Variants in AK9 observed in about 807,000 individuals in gnomAD.
AK9 encodes the protein adenylate kinase 9.
Under a neutral mutation model 239.6 loss-of-function variants are expected in AK9, and 191 were observed. The observed-to-expected ratio is 0.80, with a 90% CI of 0.71 to 0.90. The LOEUF is 0.90. AK9 is among the 40% of genes least tolerant of loss of function. The pLI is 0.00. For synonymous variants in AK9, 689 were observed against 721.0 expected, an observed-to-expected ratio of 0.96 and a Z score of 0.71; for missense variants, 1,995 against 2,214.7, an observed-to-expected ratio of 0.90 and a Z score of 1.99.
intron 22 of AK9, among the ~76,000 whole-genome samples, chr6:109,564,533 G>A (rs761078646): frequency 3.3e-5 from 5 of 151,804 alleles, no homozygotes; most frequent in Non-Finnish European, 5.9e-5. Flanking sequence ...AAACTTTAAC[G>A]GTTAATAAAA....
At chr6:109,642,053 T>C (rs115273000) in intron 9 of AK9, among the ~76,000 whole-genome samples, 65 of 152,268 alleles carry the variant, frequency 4.3e-4, no homozygotes, top group African/African-American at 1.5e-3. Flanking sequence ...CATGTGAAGA[T>C]GGAGGCAGAT....
Position 109,683,038 on chromosome 6 carries a change from A to T in AK9, c.-11-7282T>A, listed in dbSNP as rs529076951. 5.3e-5 allele frequency among the ~76,000 whole-genome samples: 8 copies of T among 152,332 alleles called. No individual in the cohort carries two copies. In the South Asian group the frequency reaches 1.7e-3, roughly 32 times the overall value. On this transcript the variant is annotated intron_variant, in intron 1 of 40. Coordinates refer to ENST00000424296, the MANE Select transcript of AK9 (RefSeq NM_001145128.3). ...AACTGAATGCAGCAGCACATCAAAA[A>T]GCTTATCCACCACAATCAAGTCAGC...
At chr6:109,519,080 G>C (rs779508065) in intron 29 of AK9, among the ~76,000 whole-genome samples, 1 of 152,142 alleles carries the variant, frequency 6.6e-6, no homozygotes, top group South Asian at 2.1e-4. Flanking sequence ...TTCTGTTCCT[G>C]TGTTAATTTG....
intron 1 of AK9, among the ~76,000 whole-genome samples, chr6:109,684,195 A>G (rs6568595): frequency 0.42 from 63,452 of 152,020 alleles, 14,927 homozygotes; most frequent in African/African-American, 0.64. Flanking sequence ...GGCTAGTCAA[A>G]TGGAGAAAAC....
chr6:109,663,068 G>A (rs1800648178), intron 5 of AK9, among the ~76,000 whole-genome samples: 1 of 151,880 alleles, frequency 6.6e-6, no homozygotes, highest in South Asian at 2.1e-4. Flanking sequence ...TCATAATATA[G>A]TAGAACATGT....
chr6:109,622,998 A>G (rs1795058542), intron 12 of AK9, among the ~76,000 whole-genome samples: 1 of 152,154 alleles, frequency 6.6e-6, no homozygotes, highest in Admixed American at 6.6e-5. Flanking sequence ...AACTGTTACA[A>G]TGAGATTGAT....
intron 12 of AK9, among the ~76,000 whole-genome samples, chr6:109,622,214 G>GTATATATTTTAT (rs1794952276): frequency 2.8e-5 from 4 of 142,654 alleles, no homozygotes; most frequent in South Asian, 2.1e-4. Flanking sequence ...ATATATTTTA[G>GTATATATTTTAT]ACATTATATA....
rs769562453 is a variant in AK9, at chr6:109,614,418, T to C, written c.1462A>G (p.Met488Val). The C allele has an allele frequency of 2.9e-5, 45 of 1,551,240 alleles. No homozygotes were observed. Among genetic ancestry groups the C allele is most frequent in the African/African-American group, 2.1e-4 (15 of 73,020 alleles). ...YEKMEFGVFP[M>V]EATHSSIDEE... ...TCAATTGATGAGTGTGTTGCCTCCA[T>C]TGGGAATACTCCAAACTCCATTTTT... is the stretch of plus-strand genomic sequence containing the variant. The change falls in exon 14 of 41, where the codon ATG becomes GTG. Residue 488 changes from methionine to valine, a missense_variant. Physicochemically the swap from Met to Val is conservative, Grantham distance 21. Transcript: ENST00000424296.
intron 1 of AK9, among the ~76,000 whole-genome samples, chr6:109,677,963 C>T (rs1772009466): frequency 6.6e-6 from 1 of 152,104 alleles, no homozygotes; most frequent in African/African-American, 2.4e-5. Context: ...TCATACATTG[C>T]TGGTGGGAAT....
intron 10 of AK9, among the ~76,000 whole-genome samples, chr6:109,636,783 C>CACACA (rs1554278039): frequency 2.1e-5 from 3 of 144,998 alleles, no homozygotes; most frequent in Non-Finnish European, 3.0e-5. Flanking sequence ...CACACACACA[C>CACACA]CACATTTTAT....
At position 109,596,604 on chromosome 6, in the gene AK9, G is replaced by A. The variant is rs114557991; in HGVS notation, c.1843-10532C>T. Among the ~76,000 whole-genome samples the A allele has an allele frequency of 5.8e-3, 884 of 152,270 alleles. 10 individuals are homozygous for A. Among genetic ancestry groups the A allele is most frequent in the African/African-American group, 0.021 (856 of 41,548 alleles). The stretch of plus-strand genomic sequence containing the variant: ...GCTCCTAATTCAGGCTAGCAGGTGT[G>A]CCTAATGCCTAGAAATATGACAGGC... On this transcript the variant is annotated intron_variant, in intron 17 of 40. Coordinates refer to ENST00000424296, the MANE Select transcript of AK9 (RefSeq NM_001145128.3).
intron 22 of AK9, 87 bp from the exon 23 acceptor site, chr6:109,564,367 A>AT (rs1786195173): frequency 3.0e-6 from 3 of 1,009,996 alleles, no homozygotes; most frequent in South Asian, 3.6e-5. Flanking sequence ...ATACTTTGCA[A>AT]TTTTTTTAAA....
intron 5 of AK9, among the ~76,000 whole-genome samples, chr6:109,668,245 G>GTT (rs932611846): frequency 2.0e-5 from 3 of 148,714 alleles, no homozygotes; most frequent in African/African-American, 7.4e-5. Context: ...TTTTGATGGG[G>GTT]TTTTTTTTTT....
chr6:109,554,525 CTTT>C lies in AK9; in HGVS notation c.2752-4226_2752-4224del, dbSNP rs3060760. Among the ~76,000 whole-genome samples the C allele has an allele frequency of 3.9e-3, 301 of 77,428 alleles. 1 individual carries two copies. The highest frequency in any genetic ancestry group is 0.017 in the Middle Eastern group (1 of 60). 50.8% of individuals were successfully genotyped at this position (77,428 alleles called of 152,430 possible). A position where few individuals can be genotyped will look rare whatever the true frequency, so the allele number is the denominator to read the frequency against. On this transcript the variant is annotated intron_variant, in intron 24 of 40. Transcript: ENST00000424296. ...CCTGGTGGCAGTTTGTATTTCTTTT[CTTT>C]TTTTTTTTTTTTTTTTTTTTGGAGA...
intron 17 of AK9, among the ~76,000 whole-genome samples, chr6:109,594,560 C>G (rs564744901): frequency 6.6e-6 from 1 of 152,166 alleles, no homozygotes; most frequent in African/African-American, 2.4e-5. Flanking sequence ...CAAGACAATC[C>G]TAAGCAATAA....
chr6:109,592,442 A>ATTTT (rs1229321601), intron 17 of AK9, among the ~76,000 whole-genome samples: 1 of 103,688 alleles, frequency 9.6e-6, no homozygotes, highest in Non-Finnish European at 2.1e-5. Context: ...GTCTAATGGG[A>ATTTT]TTTCTTTTTT....
chr6:109,638,506 G>T (rs924534614), intron 10 of AK9, among the ~76,000 whole-genome samples: 1 of 152,054 alleles, frequency 6.6e-6, no homozygotes, highest in African/African-American at 2.4e-5. Flanking sequence ...TTGAGACAGG[G>T]TCTTGCTTTA....
rs548656414 is a variant in AK9, at chr6:109,505,635, G to A, written c.4849+692C>T. Among the ~76,000 whole-genome samples the A allele has an allele frequency of 4.6e-5, 7 of 152,118 alleles. No individual in the cohort carries two copies. In the South Asian group the frequency reaches 6.2e-4, roughly 14 times the overall value. ...GGTGTCACTCTGCAATCATGGACCC[G>A]TATAACTACTGCACACATTCTGAAA... On this transcript the variant is annotated intron_variant, in intron 35 of 40. Transcript: ENST00000424296.
chr6:109,587,243 A>G (rs1789622529), intron 17 of AK9, among the ~76,000 whole-genome samples: 1 of 152,262 alleles, frequency 6.6e-6, no homozygotes, highest in Non-Finnish European at 1.5e-5. Context: ...AAATTTAACC[A>G]TTCAAATTTG....
Sources: allele counts gnomAD v4.1 joint callset (sites outside exome capture counted in the v4.1 genomes callset), GRCh38; gene constraint gnomAD v4.1.1; transcripts MANE v1.5; gene names NCBI Gene and HGNC (gene_info 2026-07-23, HGNC 2026-07-21).